The following SLC71A2 variants were observed in gnomAD, a reference collection of about 807,000 sequenced individuals.
SLC71A2 encodes solute carrier family 71 member 2, also known as hippocampus abundant transcript-like 1.
At chr9:94,423,845 T>C in the SLC71A2 span, among the ~76,000 whole-genome samples, 19 of 152,220 alleles carry the variant, frequency 1.2e-4, no homozygotes, top group African/African-American at 4.3e-4. Context: ...TCTTAATGCC[T>C]TTGGATGACA....
chr9:94,433,591 T>C, the SLC71A2 span, among the ~76,000 whole-genome samples: 236 of 151,140 alleles, frequency 1.6e-3, 1 homozygote, highest in Middle Eastern at 0.01. Context: ...ACTGGATACA[T>C]AAACAAGTGA....
At chr9:94,394,922 T>TTG in the SLC71A2 span, among the ~76,000 whole-genome samples, 1 of 82,174 alleles carries the variant, frequency 1.2e-5, no homozygotes, top group Non-Finnish European at 2.6e-5. Flanking sequence ...TTTGTTTTTT[T>TTG]TTTTTTTTTG....
chr9:94,445,571 A>G, the SLC71A2 span, among the ~76,000 whole-genome samples: 1 of 152,236 alleles, frequency 6.6e-6, no homozygotes, highest in East Asian at 1.9e-4. Flanking sequence ...TTTAATTTTG[A>G]CCAGAGACGT....
chr9:94,401,532 G>A, the SLC71A2 span, among the ~76,000 whole-genome samples: 5 of 151,528 alleles, frequency 3.3e-5, no homozygotes, highest in Non-Finnish European at 5.9e-5. Flanking sequence ...AGACTGTTGC[G>A]GTCCTGTCAC....
At chr9:94,448,772 A>T in the SLC71A2 span, among the ~76,000 whole-genome samples, 4 of 152,264 alleles carry the variant, frequency 2.6e-5, no homozygotes, top group East Asian at 5.8e-4. Flanking sequence ...AGCTGGGATT[A>T]TCGGTATGCA....
the SLC71A2 span, among the ~76,000 whole-genome samples, chr9:94,426,633 T>G: frequency 4.6e-5 from 7 of 152,206 alleles, no homozygotes; most frequent in Non-Finnish European, 1.0e-4. Context: ...ATGTAGATAT[T>G]TCTAAGCTTT....
At chr9:94,405,139 A>G in the SLC71A2 span, among the ~76,000 whole-genome samples, 1 of 152,080 alleles carries the variant, frequency 6.6e-6, no homozygotes. Context: ...CTTGTTGCAT[A>G]TCATTTGTGA....
At chr9:94,453,147 T>C in the SLC71A2 span, among the ~76,000 whole-genome samples, 2 of 120,228 alleles carry the variant, frequency 1.7e-5, no homozygotes, top group South Asian at 2.7e-4. Context: ...AACTCAGCCA[T>C]CTTTTTTTTT....
the SLC71A2 span, chr9:94,432,748 A>G: frequency 2.8e-6 from 1 of 355,288 alleles, no homozygotes; most frequent in Non-Finnish European, 5.8e-6. Context: ...CAGATAAGTC[A>G]ACCACAGTTG....
chr9:94,381,202 A>G, the SLC71A2 span, among the ~76,000 whole-genome samples: 2 of 145,286 alleles, frequency 1.4e-5, no homozygotes, highest in African/African-American at 5.1e-5. Context: ...ATGCCAGGCT[A>G]ATTTTGTATT....
the SLC71A2 span, among the ~76,000 whole-genome samples, chr9:94,425,255 G>A: frequency 6.6e-6 from 1 of 152,136 alleles, no homozygotes; most frequent in East Asian, 1.9e-4. Context: ...GGTGAGCCGA[G>A]ATCGTGCCAC....
chr9:94,442,066 T>C, the SLC71A2 span, among the ~76,000 whole-genome samples: 37 of 152,342 alleles, frequency 2.4e-4, no homozygotes, highest in South Asian at 3.7e-3. Context: ...TTCTCCCGTC[T>C]TCCTCTGTAT....
chr9:94,453,867 G>GT, the SLC71A2 span: 1 of 845,116 alleles, frequency 1.2e-6, no homozygotes, highest in East Asian at 2.4e-5. Flanking sequence ...AGAGGTCTCT[G>GT]GTCATCAGGG....
At chr9:94,414,555 T>G in the SLC71A2 span, among the ~76,000 whole-genome samples, 55 of 152,300 alleles carry the variant, frequency 3.6e-4, no homozygotes, top group African/African-American at 1.2e-3. Flanking sequence ...ACGTAATTCG[T>G]AAGGGACAGA....
the SLC71A2 span, chr9:94,374,680 C>G: frequency 2.6e-5 from 4 of 154,384 alleles, no homozygotes; most frequent in African/African-American, 9.7e-5. Flanking sequence ...CCTCAGCCCT[C>G]GGCGCCGCCG....
the SLC71A2 span, among the ~76,000 whole-genome samples, chr9:94,408,523 A>G: frequency 6.6e-6 from 1 of 152,086 alleles, no homozygotes; most frequent in Non-Finnish European, 1.5e-5. Context: ...TTACTGATTC[A>G]ATCTCCTTAC....
At chr9:94,442,573 G>A in the SLC71A2 span, among the ~76,000 whole-genome samples, 1 of 152,106 alleles carries the variant, frequency 6.6e-6, no homozygotes, top group Non-Finnish European at 1.5e-5. Flanking sequence ...AAAATAGGCC[G>A]GGTGCGGTGG....
At chr9:94,432,432 G>A in the SLC71A2 span, among the ~76,000 whole-genome samples, 3 of 151,986 alleles carry the variant, frequency 2.0e-5, no homozygotes, top group Non-Finnish European at 1.5e-5. Flanking sequence ...CCTGGGAGAC[G>A]GAGGTTGCAG....
At chr9:94,443,483 G>C in the SLC71A2 span, among the ~76,000 whole-genome samples, 1 of 152,324 alleles carries the variant, frequency 6.6e-6, no homozygotes, top group South Asian at 2.1e-4. Context: ...AACCAAGAAA[G>C]TGGTAATTCT....
Sources: gnomAD v4.1 joint callset for allele counts (sites outside exome capture counted in the v4.1 genomes callset) on GRCh38, gnomAD v4.1.1 for gene constraint, MANE v1.5 for transcripts, NCBI Gene and HGNC (gene_info 2026-07-23, HGNC 2026-07-21) for gene names.